Variants in AIMP1 observed in about 807,000 individuals in gnomAD.
The protein encoded by AIMP1 is aminoacyl tRNA synthase complex-interacting multifunctional protein 1.
In AIMP1, 24 loss-of-function variants were observed where a neutral mutation model predicts 33.1. The ratio of observed to expected loss-of-function variants is 0.73; its 90% CI spans 0.53 to 1.02. The LOEUF is 1.02. AIMP1 is among the 50% of genes least tolerant of loss of function. AIMP1 has a pLI of 0.00. For synonymous variants in AIMP1, 120 were observed against 121.5 expected, an observed-to-expected ratio of 0.99 and a Z score of 0.08; for missense variants, 367 against 364.8, an observed-to-expected ratio of 1.01 and a Z score of -0.05.
At chr4:106,325,141 G>T (rs539058942) in intron 2 of AIMP1, 23 bp downstream of exon 2, 3 of 1,584,968 alleles carry the variant, frequency 1.9e-6, no homozygotes, top group Non-Finnish European at 2.6e-6. Context: ...AAAATTTTTT[G>T]AGGAGATACT....
chr4:106,335,745 A>G (rs934490701), intron 5 of AIMP1, among the ~76,000 whole-genome samples: 2 of 152,048 alleles, frequency 1.3e-5, no homozygotes, highest in African/African-American at 4.8e-5. Context: ...TTTAAATCAT[A>G]GTATTTCAGA....
intron 5 of AIMP1, among the ~76,000 whole-genome samples, chr4:106,333,735 T>A (rs1476262064): frequency 6.6e-6 from 1 of 152,180 alleles, no homozygotes; most frequent in African/African-American, 2.4e-5. Context: ...ATGTGAAAAG[T>A]ATTGATGGTA....
At chr4:106,338,937 G>A (rs186230256) in intron 6 of AIMP1, among the ~76,000 whole-genome samples, 183 of 152,330 alleles carry the variant, frequency 1.2e-3, no homozygotes, top group Admixed American at 1.7e-3. Context: ...GAGACATGGC[G>A]TCAAAGGAGA....
In AIMP1 at chr4:106,347,523, C is replaced by G. The variant is rs752865401; in HGVS notation, c.773-3C>G. On this transcript the variant is annotated splice_region_variant and splice_polypyrimidine_tract_variant and intron_variant, in intron 6 of 6. Coordinates refer to ENST00000672341, the MANE Select transcript of AIMP1 (RefSeq NM_001142416.2). Reference sequence around the variant, plus strand: ...TTTCTTGTGCTTTTTTTCTCCTACACAGGAGAGCCTGACAAGGAGCTGAAT... The same window carrying G: ...TTTCTTGTGCTTTTTTTCTCCTACAGAGGAGAGCCTGACAAGGAGCTGAAT... 3.1e-6 allele frequency: 5 copies of G among 1,611,786 alleles called. No homozygotes were observed. Among genetic ancestry groups the G allele is most frequent in the Non-Finnish European group, 4.2e-6 (5 of 1,178,922 alleles).
At chr4:106,334,507 C>T (rs1009601328) in intron 5 of AIMP1, among the ~76,000 whole-genome samples, 4 of 151,944 alleles carry the variant, frequency 2.6e-5, no homozygotes, top group Admixed American at 6.6e-5. Context: ...TCAGGTGATC[C>T]GCCTGCCTTG....
At chr4:106,336,264 A>AC (rs1561029645) in intron 5 of AIMP1, among the ~76,000 whole-genome samples, 3 of 150,708 alleles carry the variant, frequency 2.0e-5, no homozygotes, top group African/African-American at 2.4e-5. Context: ...AAAAAAAAAA[A>AC]ACACTGGGCT....
At position 106,325,075 on chromosome 4, in the gene AIMP1, T is replaced by A; in HGVS notation, c.66T>A (p.Ile22=). 1 of 1,613,078 alleles carries A rather than the reference T, an allele frequency of 6.2e-7. No individual in the cohort carries two copies. Among genetic ancestry groups the A allele is most frequent in the Non-Finnish European group, 8.5e-7 (1 of 1,179,356 alleles). The change falls in exon 2 of 7, where the codon ATT becomes ATA. Residue 22 remains isoleucine, a synonymous_variant. Coordinates refer to ENST00000672341, the MANE Select transcript of AIMP1 (RefSeq NM_001142416.2). ...AGGGTGCAGAGGCAGATCAAATCATTGAATATCTTAAGCAGCAAGTTTCTC... is the reference window on the plus strand; with the variant it reads ...AGGGTGCAGAGGCAGATCAAATCATAGAATATCTTAAGCAGCAAGTTTCTC... ...EQKGAEADQI[I]EYLKQQVSLL... is the part of the protein sequence containing the mutation.
chr4:106,336,809 C>A, intron 5 of AIMP1, 60 bp from the exon 6 acceptor site: 1 of 1,475,748 alleles, frequency 6.8e-7, no homozygotes, highest in Admixed American at 1.7e-5. Context: ...TTAATGTAGT[C>A]TGGATATGAT....
At chr4:106,320,109 TTA>T (rs1434623726) in intron 1 of AIMP1, among the ~76,000 whole-genome samples, 4 of 152,212 alleles carry the variant, frequency 2.6e-5, no homozygotes, top group Non-Finnish European at 5.9e-5. Context: ...ATGAGAAACT[TTA>T]TACATATTAG....
At position 106,347,559 on chromosome 4, in the gene AIMP1, A is replaced by C. The variant is rs746510615; in HGVS notation, c.806A>C (p.Lys269Thr). 4.3e-6 allele frequency: 7 copies of C among 1,613,284 alleles called. No individual in the cohort carries two copies. Among genetic ancestry groups the C allele is most frequent in the Non-Finnish European group, 5.1e-6 (6 of 1,179,556 alleles). ...GACAAGGAGCTGAATCCTAAGAAGA[A>C]GATTTGGGAGCAGATCCAGCCTGAT... ...EPDKELNPKK[K>T]IWEQIQPDLH... Residue 269 changes from lysine to threonine, a missense_variant, in exon 7 of 7, where the codon AAG (lysine) becomes ACG (threonine). Lys to Thr is a moderately conservative substitution (Grantham distance 78). Coordinates refer to ENST00000672341, the MANE Select transcript of AIMP1 (RefSeq NM_001142416.2).
Position 106,347,810 on chromosome 4 carries a change from T to C in AIMP1, c.*118T>C, listed in dbSNP as rs1770362226. 7 of 1,061,818 alleles carry C rather than the reference T, an allele frequency of 6.6e-6. No individual in the cohort carries two copies. The African/African-American group carries it at 8.0e-5, about 12-fold the overall frequency. The allele number at this position is 1,061,818 out of a possible 1,614,324, so 65.8% of individuals were successfully genotyped here. Reference sequence around the variant, plus strand: ...TTTTTGCATTACTCTCTTCTAGACTTGACTAGTCATTTACTTGGTATATAT... The same window carrying C: ...TTTTTGCATTACTCTCTTCTAGACTCGACTAGTCATTTACTTGGTATATAT... On this transcript the variant is annotated 3_prime_UTR_variant, in exon 7 of 7. Transcript: ENST00000672341.
intron 6 of AIMP1, among the ~76,000 whole-genome samples, chr4:106,339,407 C>G (rs928672645): frequency 1.3e-5 from 2 of 152,132 alleles, no homozygotes; most frequent in Non-Finnish European, 2.9e-5. Context: ...GTGCTGTTCT[C>G]ATGATAGTGA....
chr4:106,315,971 G>T (rs188526371), upstream of AIMP1: 1 of 152,718 alleles, frequency 6.5e-6, no homozygotes, highest in East Asian at 1.9e-4. Flanking sequence ...AGACAAGGGG[G>T]ATGGAGCTTC....
chr4:106,335,475 T>C (rs1255019797), intron 5 of AIMP1, among the ~76,000 whole-genome samples: 1 of 152,162 alleles, frequency 6.6e-6, no homozygotes, highest in African/African-American at 2.4e-5. Flanking sequence ...AAACATTCTA[T>C]AAAGTAGGGA....
rs143898497 is a variant in AIMP1, at chr4:106,328,215, G to T, written c.363G>T (p.Lys121Asn). 24 of 1,611,074 alleles carry T rather than the reference G, an allele frequency of 1.5e-5. No homozygotes were observed. The highest frequency in any genetic ancestry group is 6.7e-5 in the Admixed American group (4 of 59,790). Residue 121 changes from lysine (K) to asparagine (N), a missense_variant, in exon 4 of 7, where the codon AAG becomes AAT. Coordinates refer to ENST00000672341, the MANE Select transcript of AIMP1 (RefSeq NM_001142416.2). ...EQIKGGTGDE[K>N]KAKEKIEKKG... ...TAAAAGGAGGAACAGGAGACGAAAA[G>T]AAAGCGAAAGAGAAAATTGAAAAGA...
chr4:106,348,368 T>C lies in AIMP1; in HGVS notation c.*676T>C, dbSNP rs1284008255. 6.6e-6 allele frequency: 1 copy of C among 152,070 alleles called. No individual in the cohort carries two copies. Among genetic ancestry groups the C allele is most frequent in the Non-Finnish European group, 1.5e-5 (1 of 67,998 alleles). 9.4% of individuals were successfully genotyped at this position (152,070 alleles called of 1,614,324 possible). On this transcript the variant is annotated 3_prime_UTR_variant, in exon 7 of 7. Coordinates refer to ENST00000672341, the MANE Select transcript of AIMP1 (RefSeq NM_001142416.2). ...TGACTAGGTCTAAAGAATGAACACA[T>C]TGTAAACAGTTGCCACAGTAGTTTC... is the stretch of plus-strand genomic sequence containing the variant.
intron 1 of AIMP1, among the ~76,000 whole-genome samples, chr4:106,321,729 G>T (rs982543042): frequency 2.6e-5 from 4 of 152,248 alleles, no homozygotes; most frequent in Non-Finnish European, 4.4e-5. Flanking sequence ...GGGCCATGAT[G>T]ACGATGGCAG....
At chr4:106,325,393 G>C (rs1241563426) in intron 2 of AIMP1, among the ~76,000 whole-genome samples, 1 of 151,830 alleles carries the variant, frequency 6.6e-6, no homozygotes, top group Non-Finnish European at 1.5e-5. Flanking sequence ...CCTACGTTTT[G>C]TAAGCTAATG....
chr4:106,336,030 C>CTTTTTTT (rs34219049), intron 5 of AIMP1, among the ~76,000 whole-genome samples: 4 of 59,424 alleles, frequency 6.7e-5, no homozygotes, highest in African/African-American at 2.1e-4. Context: ...GTTAAATGAT[C>CTTTTTTT]TTTTTTTTTT....
Sources: allele counts gnomAD v4.1 joint callset (sites outside exome capture counted in the v4.1 genomes callset), GRCh38; gene constraint gnomAD v4.1.1; transcripts MANE v1.5; gene names NCBI Gene and HGNC (gene_info 2026-07-23, HGNC 2026-07-21).